The following TDRD7 variants were observed in gnomAD, a reference collection of about 807,000 sequenced individuals.
The protein encoded by TDRD7 is tudor domain-containing protein 7.
TDRD7 carries 47 observed loss-of-function variants against 109.8 expected under a neutral mutation model. The observed-to-expected ratio is 0.43, with a 90% CI of 0.34 to 0.55. TDRD7 has a LOEUF of 0.55. Ranked by LOEUF, TDRD7 falls within the 20% of genes least tolerant of loss-of-function variation. The pLI, the probability that TDRD7 is intolerant of heterozygous loss-of-function variation, is 0.03. For missense variants in TDRD7, 1,164 were observed against 1,319.2 expected, an observed-to-expected ratio of 0.88 and a Z score of 1.82; for synonymous variants, 424 against 457.3, an observed-to-expected ratio of 0.93 and a Z score of 0.93.
intron 12 of TDRD7, 132 bp from the exon 13 acceptor site, chr9:97,478,307 T>G: frequency 2.5e-6 from 2 of 804,980 alleles, no homozygotes; most frequent in South Asian, 3.8e-5. Context: ...CATTTTAAAT[T>G]AGGGGAAAAT....
At chr9:97,447,868 G>A (rs1464502271) in intron 6 of TDRD7, among the ~76,000 whole-genome samples, 1 of 152,186 alleles carries the variant, frequency 6.6e-6, no homozygotes, top group Admixed American at 6.5e-5. Context: ...ATGAGCAAGA[G>A]GCCTAACCTC....
At chr9:97,442,146 A>G (rs1007193461) in intron 6 of TDRD7, among the ~76,000 whole-genome samples, 1 of 152,140 alleles carries the variant, frequency 6.6e-6, no homozygotes, top group Non-Finnish European at 1.5e-5. Context: ...TAATATGTAA[A>G]CCATTTTATA....
At chr9:97,488,801 A>C (rs1457365517) in intron 16 of TDRD7, among the ~76,000 whole-genome samples, 1 of 152,168 alleles carries the variant, frequency 6.6e-6, no homozygotes, top group African/African-American at 2.4e-5. Context: ...CGGTGCTACA[A>C]GTTTCCCTCT....
chr9:97,433,598 A>G (rs770511392), intron 4 of TDRD7, among the ~76,000 whole-genome samples: 24 of 152,194 alleles, frequency 1.6e-4, no homozygotes, highest in Non-Finnish European at 3.2e-4. Context: ...GGAATGGGAG[A>G]AAATATTGCA....
At chr9:97,480,642 A>T (rs1829100482) in intron 13 of TDRD7, 186 bp from the exon 14 acceptor site, 3 of 630,840 alleles carry the variant, frequency 4.8e-6, no homozygotes, top group South Asian at 1.7e-5. Flanking sequence ...AGACAATAGT[A>T]GTTATATAAA....
At chr9:97,423,107 C>G (rs1349720776) in intron 1 of TDRD7, among the ~76,000 whole-genome samples, 1 of 152,152 alleles carries the variant, frequency 6.6e-6, no homozygotes, top group Non-Finnish European at 1.5e-5. Flanking sequence ...AGTATTGATT[C>G]TTCTATAAAT....
At chr9:97,494,727 G>GAT (rs1564219996) in intron 16 of TDRD7, among the ~76,000 whole-genome samples, 1 of 13,180 alleles carries the variant, frequency 7.6e-5, no homozygotes, top group African/African-American at 3.0e-4. Context: ...TTTTTTTTTC[G>GAT]AGAGGGTCTC....
chr9:97,457,915 A>G lies in TDRD7; in HGVS notation c.856-2263A>G, dbSNP rs549368887. Among the ~76,000 whole-genome samples the G allele has an allele frequency of 5.3e-5, 8 of 152,264 alleles. No individual in the cohort carries two copies. In the South Asian group the frequency reaches 1.7e-3, roughly 32 times the overall value. On this transcript the variant is annotated intron_variant, in intron 6 of 16. Coordinates refer to ENST00000355295, the MANE Select transcript of TDRD7 (RefSeq NM_014290.3). Reference sequence around the variant, plus strand: ...CCAAACGCCACATGTTCTCACTCCTAAGTGGGAGTTGAACATTGAGAATAC... The same window carrying G: ...CCAAACGCCACATGTTCTCACTCCTGAGTGGGAGTTGAACATTGAGAATAC...
At position 97,470,774 on chromosome 9, in the gene TDRD7, G is replaced by A. The variant is rs1828897171; in HGVS notation, c.1741+105G>A. On this transcript the variant is annotated intron_variant, in intron 9 of 16. Coordinates refer to ENST00000355295, the MANE Select transcript of TDRD7 (RefSeq NM_014290.3). Reference sequence around the variant, plus strand: ...TGGACTAAGTATCTCATGTTATAATGTGTTACTTCTTGAAAGGTTTAAATT... The same window carrying A: ...TGGACTAAGTATCTCATGTTATAATATGTTACTTCTTGAAAGGTTTAAATT... The A allele has an allele frequency of 6.2e-6, 5 of 806,312 alleles. No homozygotes were observed. In the Admixed American group the frequency reaches 8.5e-5, roughly 14 times the overall value. The allele number at this position is 806,312 out of a possible 1,614,324, so 49.9% of individuals were successfully genotyped here.
chr9:97,458,407 C>T (rs1180849443), intron 6 of TDRD7, among the ~76,000 whole-genome samples: 1 of 152,056 alleles, frequency 6.6e-6, no homozygotes, highest in Non-Finnish European at 1.5e-5. Flanking sequence ...TAAAGCACAG[C>T]GAAGATTGGC....
intron 6 of TDRD7, among the ~76,000 whole-genome samples, chr9:97,442,920 CGA>C (rs1564200136): frequency 6.6e-6 from 1 of 152,092 alleles, no homozygotes; most frequent in African/African-American, 2.4e-5. Flanking sequence ...CTCAGCCTTC[CGA>C]GTAAATGGGG....
intron 3 of TDRD7, 114 bp from the exon 4 acceptor site, chr9:97,431,911 A>G: frequency 1.0e-6 from 1 of 986,634 alleles, no homozygotes; most frequent in Non-Finnish European, 1.6e-6. Context: ...TCGTGTTCTT[A>G]CAAACTGTTC....
intron 16 of TDRD7, among the ~76,000 whole-genome samples, chr9:97,488,206 G>A (rs949550482): frequency 4.6e-5 from 7 of 152,176 alleles, no homozygotes; most frequent in African/African-American, 1.2e-4. Flanking sequence ...GCCTTGTAGC[G>A]TTAGCAGAGG....
chr9:97,430,824 A>C, intron 2 of TDRD7, 109 bp from the exon 3 acceptor site: 1 of 1,312,208 alleles, frequency 7.6e-7, no homozygotes, highest in Non-Finnish European at 1.1e-6. Context: ...TTTGCATACC[A>C]CTTGACTTGG....
intron 6 of TDRD7, among the ~76,000 whole-genome samples, chr9:97,450,664 G>A (rs529553028): frequency 6.6e-6 from 1 of 152,174 alleles, no homozygotes; most frequent in African/African-American, 2.4e-5. Context: ...CAAGGTTCTT[G>A]TGGGATACAT....
rs188764246 is a variant in TDRD7, at chr9:97,417,936, C to A, written c.-7+5698C>A. On this transcript the variant is annotated intron_variant, in intron 1 of 16. Transcript: ENST00000355295. Reference sequence around the variant, plus strand: ...GGTCAGGAGTTCAAGACCAGCCTGGCCAACATGGTGAAACCCCGTCCCTAC... The same window carrying A: ...GGTCAGGAGTTCAAGACCAGCCTGGACAACATGGTGAAACCCCGTCCCTAC... Among the ~76,000 whole-genome samples the A allele has an allele frequency of 1.6e-4, 25 of 152,248 alleles. 1 individual carries two copies. The East Asian group carries it at 4.6e-3, about 28-fold the overall frequency.
At chr9:97,451,815 TTGAGTTGG>T (rs1828497582) in intron 6 of TDRD7, among the ~76,000 whole-genome samples, 1 of 152,206 alleles carries the variant, frequency 6.6e-6, no homozygotes, top group Admixed American at 6.5e-5. Context: ...AGTGTCAGAA[TTGAGTTGG>T]TGGAATTCAG....
intron 1 of TDRD7, among the ~76,000 whole-genome samples, chr9:97,419,485 G>A (rs1298245719): frequency 6.6e-6 from 1 of 152,160 alleles, no homozygotes; most frequent in African/African-American, 2.4e-5. Context: ...TACTATTCAG[G>A]ACCCAAAATT....
intron 1 of TDRD7, among the ~76,000 whole-genome samples, chr9:97,418,507 C>T (rs1827847111): frequency 6.6e-6 from 1 of 151,302 alleles, no homozygotes; most frequent in South Asian, 2.1e-4. Context: ...TGGGTGGGGA[C>T]AAGAGGAAGA....
Sources: allele counts gnomAD v4.1 joint callset (sites outside exome capture counted in the v4.1 genomes callset), GRCh38; gene constraint gnomAD v4.1.1; transcripts MANE v1.5; gene names NCBI Gene and HGNC (gene_info 2026-07-23, HGNC 2026-07-21).